Variants in MIPOL1 observed in about 807,000 individuals in gnomAD.
The protein encoded by MIPOL1 is mirror-image polydactyly gene 1 protein.
MIPOL1 carries 57 observed loss-of-function variants against 60.9 expected under a neutral mutation model. That is an observed-to-expected ratio of 0.94 (90% CI 0.76 to 1.17). The LOEUF is 1.17. MIPOL1 is among the 50% of genes most tolerant of loss of function. The pLI is 0.00. For synonymous variants in MIPOL1, 179 were observed against 168.8 expected (o/e 1.06, Z -0.47); for missense variants, 551 against 511.6 (o/e 1.08, Z -0.74).
chr14:37,538,634 C>T (rs1389586698), intron 12 of MIPOL1, among the ~76,000 whole-genome samples: 1 of 152,062 alleles, frequency 6.6e-6, no homozygotes, highest in Non-Finnish European at 1.5e-5. Flanking sequence ...TCGTGCTCCA[C>T]CCTTTGAATC....
At chr14:37,446,385 C>T (rs2094335357) in intron 11 of MIPOL1, among the ~76,000 whole-genome samples, 1 of 152,126 alleles carries the variant, frequency 6.6e-6, no homozygotes, top group Non-Finnish European at 1.5e-5. Context: ...TACCATCTCA[C>T]ACCAGTTAGA....
intron 10 of MIPOL1, among the ~76,000 whole-genome samples, chr14:37,378,478 G>T (rs911578867): frequency 9.2e-5 from 14 of 151,928 alleles, no homozygotes; most frequent in Admixed American, 7.2e-4. Flanking sequence ...TAGTGATAGA[G>T]AAAAAAATCA....
intron 11 of MIPOL1, among the ~76,000 whole-genome samples, chr14:37,470,865 T>C (rs2094678481): frequency 6.6e-6 from 1 of 152,122 alleles, no homozygotes; most frequent in South Asian, 2.1e-4. Flanking sequence ...CTAGAAAGAA[T>C]TGGTCTCAGG....
intron 10 of MIPOL1, among the ~76,000 whole-genome samples, chr14:37,407,557 G>C (rs1055851028): frequency 1.2e-4 from 18 of 152,076 alleles, no homozygotes; most frequent in Non-Finnish European, 1.9e-4. Flanking sequence ...TTGGATATCA[G>C]AGACTTATAA....
At chr14:37,308,749 A>G (rs115100446) in intron 9 of MIPOL1, among the ~76,000 whole-genome samples, 4,158 of 152,194 alleles carry the variant, frequency 0.027, 212 homozygotes, top group African/African-American at 0.094. Flanking sequence ...ATTTCTTAAT[A>G]AAATTAAACT....
At chr14:37,445,925 A>G (rs1381983415) in intron 11 of MIPOL1, among the ~76,000 whole-genome samples, 1 of 152,204 alleles carries the variant, frequency 6.6e-6, no homozygotes, top group African/African-American at 2.4e-5. Flanking sequence ...AATTAATTCA[A>G]GATGGATTAA....
At chr14:37,207,865 A>G (rs992009841) in intron 1 of MIPOL1, among the ~76,000 whole-genome samples, 49 of 152,224 alleles carry the variant, frequency 3.2e-4, no homozygotes, top group African/African-American at 9.9e-4. Flanking sequence ...CTATTTTTAT[A>G]TCTTGAAAAA....
chr14:37,292,766 C>A (rs1170352718), intron 7 of MIPOL1, among the ~76,000 whole-genome samples: 1 of 152,112 alleles, frequency 6.6e-6, no homozygotes, highest in Non-Finnish European at 1.5e-5. Context: ...CAGGTGTTAG[C>A]CACCATGCCC....
intron 9 of MIPOL1, among the ~76,000 whole-genome samples, chr14:37,364,634 T>C (rs2092408699): frequency 6.6e-6 from 1 of 152,222 alleles, no homozygotes; most frequent in South Asian, 2.1e-4. Flanking sequence ...GTCTCTGTAG[T>C]ATAATTTAAA....
At chr14:37,519,329 A>G (rs1481914949) in intron 12 of MIPOL1, among the ~76,000 whole-genome samples, 1 of 152,110 alleles carries the variant, frequency 6.6e-6, no homozygotes, top group Non-Finnish European at 1.5e-5. Flanking sequence ...TTTCTCACTC[A>G]TGTATTCTGT....
At chr14:37,467,982 AG>A (rs1370145152) in intron 11 of MIPOL1, among the ~76,000 whole-genome samples, 2 of 151,166 alleles carry the variant, frequency 1.3e-5, no homozygotes, top group Admixed American at 6.6e-5. Context: ...TCAACCCGGC[AG>A]GCAGAGGTTG....
chr14:37,379,935 A>G lies in MIPOL1; in HGVS notation c.936+10311A>G, dbSNP rs181783636. On this transcript the variant is annotated intron_variant, in intron 10 of 12. Transcript: ENST00000684589. ...CTTCAACCATTCTCTTTCTATAAGA[A>G]ATCTGATGCATGGCCGTGTAACCCA... Among the ~76,000 whole-genome samples the G allele has an allele frequency of 1.7e-3, 255 of 152,188 alleles. 1 individual carries two copies. Among genetic ancestry groups the G allele is most frequent in the African/African-American group, 5.8e-3 (241 of 41,536 alleles).
At chr14:37,313,217 T>C (rs1030417556) in intron 9 of MIPOL1, among the ~76,000 whole-genome samples, 6 of 152,140 alleles carry the variant, frequency 3.9e-5, no homozygotes, top group Non-Finnish European at 7.4e-5. Flanking sequence ...AGAAGCACAA[T>C]TGGACTCAGG....
intron 9 of MIPOL1, among the ~76,000 whole-genome samples, chr14:37,313,830 G>A (rs1424026412): frequency 1.3e-5 from 2 of 152,118 alleles, no homozygotes; most frequent in African/African-American, 4.8e-5. Context: ...GTGCATACAG[G>A]CTAAAAACTT....
chr14:37,503,535 C>G (rs1352388804), intron 12 of MIPOL1: 1 of 152,110 alleles, frequency 6.6e-6, no homozygotes, highest in Non-Finnish European at 1.5e-5. Context: ...AAATAAAATC[C>G]TTTACAGACA....
intron 1 of MIPOL1, among the ~76,000 whole-genome samples, chr14:37,222,852 C>A (rs1407242758): frequency 1.3e-5 from 2 of 152,146 alleles, no homozygotes; most frequent in African/African-American, 4.8e-5. Flanking sequence ...TTACCTAGTT[C>A]CAAAACTACG....
intron 9 of MIPOL1, among the ~76,000 whole-genome samples, chr14:37,326,836 T>C (rs574822845): frequency 3.3e-4 from 50 of 152,352 alleles, no homozygotes; most frequent in African/African-American, 1.1e-3. Flanking sequence ...CACCTTTTGG[T>C]GAGCACTCAC....
intron 9 of MIPOL1, among the ~76,000 whole-genome samples, chr14:37,340,298 A>G (rs1017776842): frequency 6.6e-6 from 1 of 152,248 alleles, no homozygotes; most frequent in Non-Finnish European, 1.5e-5. Context: ...GAAAAAGCTT[A>G]TAGAAAGAAG....
At chr14:37,433,967 A>G (rs1247019431) in intron 11 of MIPOL1, among the ~76,000 whole-genome samples, 2 of 152,124 alleles carry the variant, frequency 1.3e-5, no homozygotes, top group Non-Finnish European at 2.9e-5. Context: ...AGTGTTTCCT[A>G]TTGTGAATAG....
Sources: gnomAD v4.1 joint callset for allele counts (sites outside exome capture counted in the v4.1 genomes callset) on GRCh38, gnomAD v4.1.1 for gene constraint, MANE v1.5 for transcripts, NCBI Gene and HGNC (gene_info 2026-07-23, HGNC 2026-07-21) for gene names.